CD99L2: variants seen among roughly 807,000 people sequenced by gnomAD.
The protein encoded by CD99L2 is CD99 molecule like 2, also known as CD99 antigen-like protein 2.
CD99L2 carries 24 observed loss-of-function variants against 27.3 expected under a neutral mutation model. That is an observed-to-expected ratio of 0.88 (90% CI 0.64 to 1.24). CD99L2 has a LOEUF of 1.24. Among genes scored for constraint, CD99L2 ranks in the 50% most tolerant of loss-of-function variants. The probability of loss-of-function intolerance (pLI) is 0.00; values close to 1 mark genes in which losing one functional copy is unlikely to be tolerated. For missense variants in CD99L2, 255 were observed against 221.6 expected, an observed-to-expected ratio of 1.15 and a Z score of -0.96; for synonymous variants, 97 against 87.9, an observed-to-expected ratio of 1.10 and a Z score of -0.58.
intron 2 of CD99L2, among the ~76,000 whole-genome samples, chrX:150,821,756 G>A (rs146169211): frequency 1.2e-3 from 136 of 112,175 alleles, no homozygotes; most frequent in African/African-American, 4.2e-3. Context: ...TCATACATAT[G>A]ATAAATGTAT....
chrX:150,793,647 T>C (rs1557419776), intron 7 of CD99L2, 44 bp downstream of exon 7: 1 of 1,079,998 alleles, frequency 9.3e-7, no homozygotes, highest in East Asian at 3.2e-5. Flanking sequence ...AATCACCTTT[T>C]TCACCAGAAT....
At chrX:150,864,760 A>C (rs1165893697) in intron 1 of CD99L2, among the ~76,000 whole-genome samples, 1 of 112,842 alleles carries the variant, frequency 8.9e-6, no homozygotes, top group African/African-American at 3.2e-5. Flanking sequence ...TACATATTTC[A>C]CAAGGATATG....
chrX:150,768,883 A>G lies in CD99L2; in HGVS notation c.*151T>C. ...GGGGCAGGGCAGAGAAACCAAACTC[A>G]CAAACACCCAGAGCTCATCCGGGAA... On this transcript the variant is annotated 3_prime_UTR_variant, in exon 11 of 11. Coordinates refer to ENST00000370377, the MANE Select transcript of CD99L2 (RefSeq NM_031462.4). 1 of 1,037,660 alleles carries G rather than the reference A, an allele frequency of 9.6e-7. No homozygotes were observed. Among genetic ancestry groups the G allele is most frequent in the Non-Finnish European group, 1.2e-6 (1 of 817,101 alleles). The allele number at this position is 1,037,660 out of a possible 1,213,427, so 85.5% of individuals were successfully genotyped here.
intron 7 of CD99L2, among the ~76,000 whole-genome samples, chrX:150,788,576 T>C (rs1159454522): frequency 9.0e-6 from 1 of 111,680 alleles, no homozygotes; most frequent in Non-Finnish European, 1.9e-5. Context: ...ACTTCTGGCA[T>C]GAGACAGTAA....
At chrX:150,845,207 G>A (rs1466307550) in intron 1 of CD99L2, among the ~76,000 whole-genome samples, 1 of 111,715 alleles carries the variant, frequency 9.0e-6, no homozygotes, top group Non-Finnish European at 1.9e-5. Context: ...AGAAGTCAGA[G>A]CTGAGAGCTA....
chrX:150,770,296 G>C lies in CD99L2; in HGVS notation c.721+8C>G. The C allele has an allele frequency of 1.7e-6, 2 of 1,209,819 alleles. No individual in the cohort carries two copies. Among genetic ancestry groups the C allele is most frequent in the East Asian group, 3.0e-5 (1 of 33,844 alleles). ...GTCAGCAAGGGACAGTGAGTACAAA[G>C]TTCTCACCTTGGGGTTCCTCACATA... On this transcript the variant is annotated splice_region_variant and intron_variant, in intron 10 of 10. Transcript: ENST00000370377.
At chrX:150,831,796 A>G (rs1260116008) in intron 1 of CD99L2, among the ~76,000 whole-genome samples, 7 of 112,249 alleles carry the variant, frequency 6.2e-5, no homozygotes, top group Non-Finnish European at 1.3e-4. Flanking sequence ...AAAACTGTAA[A>G]AAGAGACAAA....
chrX:150,889,503 GCC>G (rs1479211410), intron 1 of CD99L2, among the ~76,000 whole-genome samples: 15 of 111,396 alleles, frequency 1.3e-4, no homozygotes, highest in Non-Finnish European at 2.6e-4. Context: ...GTCAAAATGA[GCC>G]CCGGCTGTGC....
chrX:150,862,626 CA>C (rs2046995497), intron 1 of CD99L2, among the ~76,000 whole-genome samples: 1 of 111,942 alleles, frequency 8.9e-6, no homozygotes, highest in Non-Finnish European at 1.9e-5. Flanking sequence ...TTTGTTATAG[CA>C]GCCCTAGGAG....
chrX:150,821,464 T>G (rs1395584989), intron 2 of CD99L2, among the ~76,000 whole-genome samples: 1 of 111,837 alleles, frequency 8.9e-6, no homozygotes, highest in Non-Finnish European at 1.9e-5. Context: ...AACCATATGT[T>G]AACAAAACTG....
intron 1 of CD99L2, among the ~76,000 whole-genome samples, chrX:150,866,925 A>G (rs1409854618): frequency 9.0e-6 from 1 of 111,069 alleles, no homozygotes; most frequent in Non-Finnish European, 1.9e-5. Context: ...ATTTTTCTAT[A>G]AATCCAAAAT....
chrX:150,886,899 G>A (rs1484990238), intron 1 of CD99L2, among the ~76,000 whole-genome samples: 1 of 111,919 alleles, frequency 8.9e-6, no homozygotes, highest in Non-Finnish European at 1.9e-5. Flanking sequence ...AAGCACCATG[G>A]CTCATGCTTG....
In CD99L2 at chrX:150,770,906, G is replaced by A. The variant is rs1297683281; in HGVS notation, c.656-537C>T. ...GCTCCTCCCAGCAGCAGGAATAACC[G>A]CTGTGTCCACCTGAGCTTGGAGGGG... On this transcript the variant is annotated intron_variant, in intron 9 of 10. Coordinates refer to ENST00000370377, the MANE Select transcript of CD99L2 (RefSeq NM_031462.4). Among the ~76,000 whole-genome samples, 5 of 112,784 alleles carry A rather than the reference G, an allele frequency of 4.4e-5. 1 individual carries two copies. Among genetic ancestry groups the A allele is most frequent in the African/African-American group, 1.6e-4 (5 of 31,045 alleles).
intron 1 of CD99L2, among the ~76,000 whole-genome samples, chrX:150,895,927 G>C (rs961632070): frequency 4.7e-5 from 5 of 107,356 alleles, no homozygotes; most frequent in Non-Finnish European, 9.6e-5. Flanking sequence ...TCAGGAGGTT[G>C]ACGCAGGAGA....
chrX:150,838,752 A>C (rs782357293), intron 1 of CD99L2, among the ~76,000 whole-genome samples: 3 of 109,073 alleles, frequency 2.8e-5, no homozygotes, highest in Non-Finnish European at 1.9e-5. Flanking sequence ...ATGGGGTCTC[A>C]CTATGTTGCC....
chrX:150,797,537 A>G (rs2045816391), intron 4 of CD99L2, among the ~76,000 whole-genome samples: 1 of 112,464 alleles, frequency 8.9e-6, no homozygotes, highest in Non-Finnish European at 1.9e-5. Flanking sequence ...AATCCCTACC[A>G]AAATCCCAAT....
At chrX:150,854,141 C>CT (rs2046835153) in intron 1 of CD99L2, among the ~76,000 whole-genome samples, 1 of 111,128 alleles carries the variant, frequency 9.0e-6, no homozygotes, top group Non-Finnish European at 1.9e-5. Context: ...GACCAGTCCT[C>CT]TTTCTTGTCC....
At chrX:150,776,762 C>T (rs532621025) in intron 8 of CD99L2, 1 of 117,539 alleles carries the variant, frequency 8.5e-6, no homozygotes, top group South Asian at 3.5e-4. Context: ...AGATGGGCCT[C>T]AATCAATTTA....
Position 150,864,466 on chromosome X carries a change from T to C in CD99L2, c.68-33173A>G, listed in dbSNP as rs139037641. Among the ~76,000 whole-genome samples the C allele has an allele frequency of 4.1e-3, 458 of 112,365 alleles. 4 individuals carry two copies. The highest frequency in any genetic ancestry group is 0.014 in the African/African-American group (420 of 31,008). ...GAAATATGGAAGCCCATGGGCCCTA[T>C]TGGTGGGAGTATGAACCAGCAGTCA... On this transcript the variant is annotated intron_variant, in intron 1 of 10. Coordinates refer to ENST00000370377, the MANE Select transcript of CD99L2 (RefSeq NM_031462.4).
Sources: allele counts gnomAD v4.1 joint callset (sites outside exome capture counted in the v4.1 genomes callset), GRCh38; gene constraint gnomAD v4.1.1; transcripts MANE v1.5; gene names NCBI Gene and HGNC (gene_info 2026-07-23, HGNC 2026-07-21).